The following RAP1GAP variants were observed in gnomAD, a reference collection of about 807,000 sequenced individuals.
RAP1GAP encodes the protein rap1 GTPase-activating protein 1.
Under a neutral mutation model 87.2 loss-of-function variants are expected in RAP1GAP, and 35 were observed. The observed-to-expected ratio is 0.40, with a 90% CI of 0.31 to 0.53. The LOEUF is 0.53. Among genes scored for constraint, RAP1GAP ranks in the 20% least tolerant of loss-of-function variants. RAP1GAP has a pLI of 0.48. For missense variants in RAP1GAP, 734 were observed against 898.9 expected, an observed-to-expected ratio of 0.82 and a Z score of 2.35; for synonymous variants, 375 against 363.9, an observed-to-expected ratio of 1.03 and a Z score of -0.35.
chr1:21,659,435 T>A (rs903965009), intron 1 of RAP1GAP, among the ~76,000 whole-genome samples: 5 of 152,090 alleles, frequency 3.3e-5, no homozygotes, highest in Non-Finnish European at 5.9e-5. Flanking sequence ...CACCCCTCCC[T>A]TACATGGAGG....
chr1:21,631,924 T>C lies in RAP1GAP; in HGVS notation c.-112-5527A>G, dbSNP rs553397363. On this transcript the variant is annotated intron_variant, in intron 2 of 24. Transcript: ENST00000374765. ...TGGCCTCCTGCCCCATGACCTCCCATCACGGCCCTGGCTCCTGCAGCCACC... is the reference window on the plus strand; with the variant it reads ...TGGCCTCCTGCCCCATGACCTCCCACCACGGCCCTGGCTCCTGCAGCCACC... Among the ~76,000 whole-genome samples the C allele has an allele frequency of 3.9e-5, 6 of 152,174 alleles. No homozygotes were observed. In the East Asian group the frequency reaches 9.7e-4, roughly 25 times the overall value.
intron 2 of RAP1GAP, among the ~76,000 whole-genome samples, chr1:21,647,788 G>A (rs1474359502): frequency 1.3e-5 from 2 of 152,200 alleles, no homozygotes; most frequent in African/African-American, 4.8e-5. Context: ...AGAGGGAATG[G>A]GGGTGTGGGG....
At chr1:21,635,672 G>A (rs1218063537) in intron 2 of RAP1GAP, among the ~76,000 whole-genome samples, 1 of 152,224 alleles carries the variant, frequency 6.6e-6, no homozygotes, top group African/African-American at 2.4e-5. Flanking sequence ...CCAGTCTGGT[G>A]AGCAGAAGTC....
rs1049509252 is a variant in RAP1GAP at position 21,615,164 on chromosome 1, C to T, written c.292-1075G>A. ...GAGAGTGGGGAGGTTCCTTGGACAC[C>T]CCCAAGCCCAGAGGAGCCCCCGGGA... On this transcript the variant is annotated intron_variant, in intron 7 of 24. Coordinates refer to ENST00000374765, the MANE Select transcript of RAP1GAP (RefSeq NM_002885.4). The surrounding 1 kb of genome is among the most constrained non-coding windows in gnomAD (Gnocchi z 4.5). Among the ~76,000 whole-genome samples, 6 of 152,196 alleles carry T rather than the reference C, an allele frequency of 3.9e-5. No homozygotes were observed. The highest frequency in any genetic ancestry group is 2.1e-4 in the South Asian group (1 of 4,826).
In RAP1GAP at chr1:21,603,616, C is replaced by G. The variant is rs771035870; in HGVS notation, c.1429-703G>C. On this transcript the variant is annotated intron_variant, in intron 18 of 24. Coordinates refer to ENST00000374765, the MANE Select transcript of RAP1GAP (RefSeq NM_002885.4). The surrounding 1 kb of genome is among the most constrained non-coding windows in gnomAD (Gnocchi z 6.0). Reference sequence around the variant, plus strand: ...CAGGGTCCCAGGGGCCAAGGCAGGGCCAGAAGCCCCTGGTGAGGGGCACTG... The same window carrying G: ...CAGGGTCCCAGGGGCCAAGGCAGGGGCAGAAGCCCCTGGTGAGGGGCACTG... The G allele has an allele frequency of 2.8e-5, 20 of 722,938 alleles. No homozygotes were observed. The highest frequency in any genetic ancestry group is 4.8e-5 in the Non-Finnish European group (19 of 396,370). 44.8% of individuals were successfully genotyped at this position (722,938 alleles called of 1,614,324 possible). A position where few individuals can be genotyped will look rare whatever the true frequency, so the allele number is the denominator to read the frequency against.
At chr1:21,628,787 C>G (rs1038520752) in intron 2 of RAP1GAP, among the ~76,000 whole-genome samples, 2 of 151,934 alleles carry the variant, frequency 1.3e-5, no homozygotes, top group Non-Finnish European at 2.9e-5. Flanking sequence ...ACTTGGGAGG[C>G]TGAGGCAGGA....
intron 2 of RAP1GAP, among the ~76,000 whole-genome samples, chr1:21,644,570 G>T (rs1330452394): frequency 6.6e-6 from 1 of 152,160 alleles, no homozygotes; most frequent in Non-Finnish European, 1.5e-5. Context: ...TCTCGGCAAG[G>T]ACCAGCTCTT....
At chr1:21,633,386 AC>A (rs539753378) in intron 2 of RAP1GAP, among the ~76,000 whole-genome samples, 1 of 151,584 alleles carries the variant, frequency 6.6e-6, no homozygotes, top group Non-Finnish European at 1.5e-5. Context: ...GTTCACAGGC[AC>A]CCCCCCTCTG....
intron 1 of RAP1GAP, among the ~76,000 whole-genome samples, chr1:21,658,147 C>G (rs1199067364): frequency 1.3e-5 from 2 of 152,216 alleles, no homozygotes; most frequent in African/African-American, 2.4e-5. Flanking sequence ...ATCCTAGAAC[C>G]TAACTCTGGT....
Position 21,599,628 on chromosome 1 carries a change from C to T in RAP1GAP, c.1653-11G>A, listed in dbSNP as rs761096156. 1 of 1,600,178 alleles carries T rather than the reference C, an allele frequency of 6.2e-7. No individual in the cohort carries two copies. Among genetic ancestry groups the T allele is most frequent in the African/African-American group, 1.3e-5 (1 of 74,934 alleles). ...GCTGCGGTCTCCGCTCTGCCACAGACAGTGCCCCATTAGCCGGTGTCCACC... is the reference window on the plus strand; with the variant it reads ...GCTGCGGTCTCCGCTCTGCCACAGATAGTGCCCCATTAGCCGGTGTCCACC... On this transcript the variant is annotated splice_polypyrimidine_tract_variant and intron_variant, in intron 20 of 24. Transcript: ENST00000374765.
chr1:21,604,030 G>C (rs1011048732), intron 18 of RAP1GAP: 6 of 813,574 alleles, frequency 7.4e-6, no homozygotes, highest in African/African-American at 3.5e-5. Context: ...GAGGAAGACA[G>C]ACAGAAAAAG....
Position 21,609,600 on chromosome 1 carries a change from A to T in RAP1GAP, c.1046T>A (p.Leu349His), listed in dbSNP as rs2076971852. The change falls in exon 15 of 25, where the codon CTC becomes CAC. Residue 349 changes from leucine (L) to histidine (H), a missense_variant. Leu to His is a moderately conservative substitution (Grantham distance 99). Coordinates refer to ENST00000374765, the MANE Select transcript of RAP1GAP (RefSeq NM_002885.4). The surrounding 1 kb of genome is among the most constrained non-coding windows in gnomAD (Gnocchi z 4.4). ...RDDVPFFGPP[L>H]PDPAVFRKGP... ...CTTCCTGAACACAGCGGGGTCCGGG[A>T]GGGGGGGTCCAAAGAAGGGCACATC... 6.4e-7 allele frequency: 1 copy of T among 1,572,130 alleles called. No homozygotes were observed. Among genetic ancestry groups the T allele is most frequent in the Non-Finnish European group, 8.6e-7 (1 of 1,158,208 alleles).
chr1:21,633,742 G>T (rs1232799036), intron 2 of RAP1GAP, among the ~76,000 whole-genome samples: 4 of 152,160 alleles, frequency 2.6e-5, no homozygotes, highest in Admixed American at 2.6e-4. Flanking sequence ...GGCCTGAGGG[G>T]TTCCGGCCAG....
At chr1:21,605,861 T>G (rs532333334) in intron 18 of RAP1GAP, among the ~76,000 whole-genome samples, 4 of 152,204 alleles carry the variant, frequency 2.6e-5, no homozygotes, top group Non-Finnish European at 4.4e-5. Context: ...GGCTGCAGGC[T>G]GCAAGCTGTC....
chr1:21,636,253 G>C (rs1387400985), intron 2 of RAP1GAP, among the ~76,000 whole-genome samples: 2 of 152,240 alleles, frequency 1.3e-5, no homozygotes, highest in African/African-American at 2.4e-5. Flanking sequence ...CATAACAGCT[G>C]TGTGACCTTG....
chr1:21,626,153 A>G (rs2091941942), intron 3 of RAP1GAP, 151 bp downstream of exon 3: 1 of 656,406 alleles, frequency 1.5e-6, no homozygotes, highest in South Asian at 1.9e-5. Flanking sequence ...CGGGCTCAGG[A>G]GTGGCAACCC....
At chr1:21,628,645 G>A (rs567390039) in intron 2 of RAP1GAP, among the ~76,000 whole-genome samples, 18 of 152,200 alleles carry the variant, frequency 1.2e-4, no homozygotes, top group East Asian at 5.8e-4. Flanking sequence ...GCTTGAACCC[G>A]GGAGGCGGAG....
At chr1:21,623,799 C>T (rs1312464159) in intron 3 of RAP1GAP, among the ~76,000 whole-genome samples, 1 of 152,270 alleles carries the variant, frequency 6.6e-6, no homozygotes, top group East Asian at 1.9e-4. Flanking sequence ...GAAATCCAGC[C>T]AGAGAAACAT....
chr1:21,598,669 A>G (rs114517379), intron 21 of RAP1GAP, among the ~76,000 whole-genome samples, 167 bp from the exon 22 acceptor site: 134 of 152,340 alleles, frequency 8.8e-4, no homozygotes, highest in African/African-American at 3.1e-3. Flanking sequence ...ACAGGAGGGC[A>G]GAGTCAGGGC....
Sources: allele counts gnomAD v4.1 joint callset (sites outside exome capture counted in the v4.1 genomes callset), GRCh38; gene constraint gnomAD v4.1.1; non-coding constraint Gnocchi (gnomAD v3.1); transcripts MANE v1.5; gene names NCBI Gene and HGNC (gene_info 2026-07-23, HGNC 2026-07-21).